Variants in CACNA1B observed in about 807,000 individuals in gnomAD.
The protein encoded by CACNA1B is calcium voltage-gated channel subunit alpha1 B.
A neutral mutation model predicts 247.2 loss-of-function variants in CACNA1B; 70 were observed. The ratio of observed to expected loss-of-function variants is 0.28; its 90% CI spans 0.23 to 0.35. CACNA1B has a LOEUF of 0.35. Among genes scored for constraint, CACNA1B ranks in the 10% least tolerant of loss-of-function variants. CACNA1B has a pLI of 1.00. For synonymous variants in CACNA1B, 1,231 were observed against 1,294.4 expected (o/e 0.95, Z 1.05); for missense variants, 2,367 against 3,197.4 (o/e 0.74, Z 6.26).
chr9:138,006,729 C>A, intron 15 of CACNA1B, 38 bp from the exon 16 acceptor site: 2 of 1,208,370 alleles, frequency 1.7e-6, no homozygotes, highest in Non-Finnish European at 2.5e-6. Context: ...GGGAAGGCGG[C>A]CATGGGGGCT....
In CACNA1B at chr9:137,952,380, G is replaced by T; in HGVS notation, c.1070+3G>T. 6.2e-7 allele frequency: 1 copy of T among 1,611,708 alleles called. No individual in the cohort carries two copies. The highest frequency in any genetic ancestry group is 1.1e-5 in the South Asian group (1 of 91,038). On this transcript the variant is annotated splice_donor_region_variant and intron_variant, in intron 7 of 46. Coordinates refer to ENST00000371372, the MANE Select transcript of CACNA1B (RefSeq NM_000718.4). This position sits in a 1 kb window ranked among gnomAD's most constrained non-coding sequence, Gnocchi z 4.8. ...CTGGTGCTGGGCGTGCTCTCGGGGT[G>T]AGAGACCATGTGGGGGATGTGCAGG...
At position 137,891,744 on chromosome 9, in the gene CACNA1B, G is replaced by T. The variant is rs926019613; in HGVS notation, c.530+8861G>T. ...GTGAGAAGGCAGGTGCTGGCTGTGGGGCTGTAGAGTGGAGGGGCCTCCACC... is the reference window on the plus strand; with the variant it reads ...GTGAGAAGGCAGGTGCTGGCTGTGGTGCTGTAGAGTGGAGGGGCCTCCACC... On this transcript the variant is annotated intron_variant, in intron 3 of 46. Transcript: ENST00000371372. The surrounding 1 kb of genome is among the most constrained non-coding windows in gnomAD (Gnocchi z 4.3). The T allele has an allele frequency of 3.2e-6, 1 of 307,998 alleles. No homozygotes were observed. The highest frequency in any genetic ancestry group is 2.8e-5 in the South Asian group (1 of 35,258). The allele number at this position is 307,998 out of a possible 1,614,324, so 19.1% of individuals were successfully genotyped here.
At chr9:138,093,483 G>A (rs959824102) in intron 36 of CACNA1B, among the ~76,000 whole-genome samples, 14 of 151,506 alleles carry the variant, frequency 9.2e-5, no homozygotes, top group African/African-American at 3.4e-4. Flanking sequence ...GCTCAGGCCT[G>A]TAATCCCAGC....
At position 137,986,727 on chromosome 9, in the gene CACNA1B, C is replaced by T. The variant is rs182632976; in HGVS notation, c.1902-55C>T. On this transcript the variant is annotated intron_variant, in intron 14 of 46. Transcript: ENST00000371372. The surrounding 1 kb of genome is among the most constrained non-coding windows in gnomAD (Gnocchi z 6.0). ...TTGAGGCCACGCTGGAGCCTGCAGGCGCTGCCTCGCTGCTGACGGGACTGC... is the reference window on the plus strand; with the variant it reads ...TTGAGGCCACGCTGGAGCCTGCAGGTGCTGCCTCGCTGCTGACGGGACTGC... 2.4e-4 allele frequency: 355 copies of T among 1,470,736 alleles called. No individual in the cohort carries two copies. The highest frequency in any genetic ancestry group is 3.2e-4 in the Non-Finnish European group (336 of 1,049,920). 91.1% of individuals were successfully genotyped at this position (1,470,736 alleles called of 1,614,324 possible).
rs143823195 is a variant in CACNA1B, at chr9:138,048,145, A to G, written c.3603+687A>G. Among the ~76,000 whole-genome samples, 89 of 152,264 alleles carry G rather than the reference A, an allele frequency of 5.8e-4. No homozygotes were observed. In the Middle Eastern group the frequency reaches 0.017, roughly 29 times the overall value. On this transcript the variant is annotated intron_variant, in intron 23 of 46. Transcript: ENST00000371372. ...GATGCATGAACACGTTACCTCTGCT[A>G]TTTCACTCTTGCAAAATTCTGTGGG...
chr9:138,043,806 G>T lies in CACNA1B; in HGVS notation c.3319G>T (p.Gly1107Trp), dbSNP rs1347834915. ...GNVDLESQAE[G>W]KKEVEADDVM... ...CGTGGACCTGGAAAGCCAAGCAGAG[G>T]GGAAGAAGGAGGTGGAAGCGGATGA... The change falls in exon 21 of 47, where the codon GGG becomes TGG. Residue 1107 changes from glycine to tryptophan, a missense_variant. Physicochemically the swap from Gly to Trp is radical, Grantham distance 184. Around this residue, in one of 12 missense-constraint regions of CACNA1B, gnomAD observed 631 missense variants for 631.1 expected, o/e 1.00. Coordinates refer to ENST00000371372, the MANE Select transcript of CACNA1B (RefSeq NM_000718.4). 1 of 1,613,956 alleles carries T rather than the reference G, an allele frequency of 6.2e-7. No homozygotes were observed. The highest frequency in any genetic ancestry group is 8.5e-7 in the Non-Finnish European group (1 of 1,179,862).
chr9:138,047,862 A>C (rs1051812191), intron 23 of CACNA1B, among the ~76,000 whole-genome samples: 2 of 152,180 alleles, frequency 1.3e-5, no homozygotes, highest in African/African-American at 4.8e-5. Flanking sequence ...GATTGTTGGA[A>C]GTGGGTGCTG....
chr9:137,979,648 C>A (rs979151028), intron 12 of CACNA1B, among the ~76,000 whole-genome samples: 7 of 152,130 alleles, frequency 4.6e-5, no homozygotes, highest in African/African-American at 1.7e-4. Flanking sequence ...AACTCATATC[C>A]TTCCCATTGT....
chr9:138,112,203 C>T (rs1021076665), intron 39 of CACNA1B, among the ~76,000 whole-genome samples, 195 bp from the exon 40 acceptor site: 9 of 152,140 alleles, frequency 5.9e-5, no homozygotes, highest in Non-Finnish European at 1.2e-4. Flanking sequence ...TGGGCAGACT[C>T]GCAGCAGGGA....
At chr9:138,075,987 G>T in intron 35 of CACNA1B, 77 bp downstream of exon 35, 6 of 970,116 alleles carry the variant, frequency 6.2e-6, no homozygotes, top group South Asian at 5.6e-5. Flanking sequence ...AGAAGGCTGG[G>T]TGTCAACCGT....
chr9:137,959,627 G>T (rs1223382895), intron 10 of CACNA1B, among the ~76,000 whole-genome samples: 1 of 151,950 alleles, frequency 6.6e-6, no homozygotes. Context: ...CTTAGGCTTT[G>T]TTAGGAAATC....
intron 39 of CACNA1B, among the ~76,000 whole-genome samples, chr9:138,106,374 T>TA (rs1961428542): frequency 6.6e-6 from 1 of 152,178 alleles, no homozygotes; most frequent in Admixed American, 6.5e-5. Flanking sequence ...AAGCCTCACT[T>TA]ACGTCTCCCC....
intron 15 of CACNA1B, among the ~76,000 whole-genome samples, chr9:138,006,232 A>G (rs1038957260): frequency 2.6e-5 from 4 of 152,038 alleles, no homozygotes; most frequent in South Asian, 2.1e-4. Flanking sequence ...ATTTTCTTGT[A>G]TGTTTCCAAA....
chr9:137,982,301 G>A (rs1958303899), intron 12 of CACNA1B, among the ~76,000 whole-genome samples: 1 of 152,146 alleles, frequency 6.6e-6, no homozygotes, highest in South Asian at 2.1e-4. Context: ...GCTCACTGGT[G>A]TGGCTGCTGG....
intron 37 of CACNA1B, among the ~76,000 whole-genome samples, chr9:138,099,237 GCA>G (rs149322799): frequency 2.0e-5 from 3 of 152,372 alleles, no homozygotes; most frequent in Non-Finnish European, 4.4e-5. Context: ...GTGCACGCAT[GCA>G]CACAGATGTC....
intron 31 of CACNA1B, among the ~76,000 whole-genome samples, chr9:138,060,747 C>T (rs555309556): frequency 2.6e-5 from 4 of 152,366 alleles, no homozygotes; most frequent in East Asian, 1.9e-4. Context: ...GTTCTGCCCA[C>T]ACTTCACATT....
At chr9:137,940,315 C>T (rs779907857) in intron 6 of CACNA1B, among the ~76,000 whole-genome samples, 2 of 152,040 alleles carry the variant, frequency 1.3e-5, no homozygotes, top group African/African-American at 4.8e-5. Flanking sequence ...AACTAGAAAA[C>T]CTAGAGGAGA....
At chr9:137,893,447 G>C (rs1052931103) in intron 3 of CACNA1B, among the ~76,000 whole-genome samples, 2 of 150,162 alleles carry the variant, frequency 1.3e-5, no homozygotes, top group East Asian at 1.9e-4. Flanking sequence ...TCAGGAGTTC[G>C]AGACCAGCCT....
intron 38 of CACNA1B, among the ~76,000 whole-genome samples, chr9:138,103,114 C>T (rs1039733392): frequency 6.6e-6 from 1 of 152,218 alleles, no homozygotes; most frequent in Non-Finnish European, 1.5e-5. Context: ...GCCTTTTCTC[C>T]CTCCCTTCCT....
Sources: gnomAD v4.1 joint callset for allele counts (sites outside exome capture counted in the v4.1 genomes callset) on GRCh38, gnomAD v4.1.1 for gene constraint, gnomAD v4.1.1 regional missense constraint, Gnocchi (gnomAD v3.1) non-coding constraint, MANE v1.5 for transcripts, NCBI Gene and HGNC (gene_info 2026-07-23, HGNC 2026-07-21) for gene names.